TADA2A: variants seen among roughly 807,000 people sequenced by gnomAD.
The protein encoded by TADA2A is transcriptional adapter 2-alpha.
A neutral mutation model predicts 67.4 loss-of-function variants in TADA2A; 38 were observed. That is an observed-to-expected ratio of 0.56 (90% confidence interval 0.44 to 0.74). The LOEUF (loss-of-function observed/expected upper bound fraction) is 0.74. TADA2A is among the 30% of genes least tolerant of loss of function. TADA2A has a pLI of 0.00. For missense variants in TADA2A, 454 were observed against 547.0 expected, an observed-to-expected ratio of 0.83 and a Z score of 1.70; for synonymous variants, 192 against 181.6, an observed-to-expected ratio of 1.06 and a Z score of -0.46.
intron 12 of TADA2A, among the ~76,000 whole-genome samples, chr17:37,469,081 AT>A (rs1481645659): frequency 6.7e-6 from 1 of 148,644 alleles, no homozygotes; most frequent in Non-Finnish European, 1.5e-5. Flanking sequence ...TTTTTTTTGT[AT>A]TTTTAGTAGA....
intron 4 of TADA2A, among the ~76,000 whole-genome samples, chr17:37,433,750 C>T (rs1425784070): frequency 6.6e-6 from 1 of 151,898 alleles, no homozygotes; most frequent in East Asian, 1.9e-4. Context: ...GTCGGGAGTT[C>T]AAGACCAGCC....
intron 10 of TADA2A, among the ~76,000 whole-genome samples, chr17:37,463,795 T>TA (rs1031462836): frequency 3.3e-5 from 5 of 149,334 alleles, no homozygotes; most frequent in East Asian, 2.1e-4. Flanking sequence ...TACTAAAAAA[T>TA]AAAAAAAATT....
intron 8 of TADA2A, among the ~76,000 whole-genome samples, chr17:37,453,217 T>C (rs2053280820): frequency 6.6e-6 from 1 of 152,194 alleles, no homozygotes; most frequent in Admixed American, 6.5e-5. Context: ...TAAGGGCAGG[T>C]AGCAGTGAGA....
intron 8 of TADA2A, among the ~76,000 whole-genome samples, chr17:37,446,427 G>A (rs914586102): frequency 6.6e-6 from 1 of 151,620 alleles, no homozygotes; most frequent in African/African-American, 2.4e-5. Flanking sequence ...TGCACAAAAG[G>A]GGCAGCTTCA....
chr17:37,416,875 G>A (rs758818499), intron 2 of TADA2A, among the ~76,000 whole-genome samples: 8 of 147,342 alleles, frequency 5.4e-5, no homozygotes, highest in South Asian at 2.1e-4. Flanking sequence ...ACGAGAGTCC[G>A]CCTCAAAAAA....
chr17:37,443,365 T>C (rs1387449331), intron 7 of TADA2A, among the ~76,000 whole-genome samples: 1 of 152,004 alleles, frequency 6.6e-6, no homozygotes, highest in Non-Finnish European at 1.5e-5. Flanking sequence ...GCGATTCTCC[T>C]GTCTCAGCCT....
At chr17:37,413,918 C>G (rs952157037) in intron 2 of TADA2A, among the ~76,000 whole-genome samples, 1 of 152,060 alleles carries the variant, frequency 6.6e-6, no homozygotes, top group Admixed American at 6.6e-5. Context: ...GCATAGCACT[C>G]GAGAGGTAGT....
At chr17:37,446,500 A>G (rs1438693406) in intron 8 of TADA2A, among the ~76,000 whole-genome samples, 1 of 151,972 alleles carries the variant, frequency 6.6e-6, no homozygotes, top group East Asian at 1.9e-4. Flanking sequence ...ATGGTGGGTC[A>G]CACCTATAAT....
intron 3 of TADA2A, among the ~76,000 whole-genome samples, chr17:37,424,965 G>A (rs1018284907): frequency 7.9e-5 from 12 of 152,116 alleles, no homozygotes; most frequent in Non-Finnish European, 1.6e-4. Context: ...GGGTTCAAGG[G>A]ATTCTCCTGC....
At chr17:37,451,213 G>C (rs142295002) in intron 8 of TADA2A, among the ~76,000 whole-genome samples, 1 of 151,974 alleles carries the variant, frequency 6.6e-6, no homozygotes, top group African/African-American at 2.4e-5. Flanking sequence ...AAAAATTTTT[G>C]TAGAGACAGA....
chr17:37,446,087 GTTTTTTTTTGGGGGGGT>G (rs1481094584), intron 8 of TADA2A, among the ~76,000 whole-genome samples: 3 of 122,074 alleles, frequency 2.5e-5, no homozygotes, highest in African/African-American at 6.0e-5. Context: ...TGAGCGGTGG[GTTTTTTTTTGGGGGGGT>G]TTTTTTTTTT....
intron 3 of TADA2A, among the ~76,000 whole-genome samples, chr17:37,425,509 C>T (rs976689179): frequency 1.3e-5 from 2 of 152,158 alleles, no homozygotes; most frequent in African/African-American, 4.8e-5. Flanking sequence ...TTCAGGGTCA[C>T]ACAGCAAATA....
chr17:37,442,514 TCATGCCAA>T (rs1597894898), intron 6 of TADA2A, 42 bp from the exon 7 acceptor site: 4 of 1,408,184 alleles, frequency 2.8e-6, no homozygotes, highest in Admixed American at 3.8e-5. Context: ...GTCATTTTTT[TCATGCCAA>T]TATTGTATTA....
chr17:37,407,144 G>A (rs980106447), intron 1 of TADA2A, 195 bp downstream of exon 1: 1 of 149,644 alleles, frequency 6.7e-6, no homozygotes, highest in African/African-American at 2.4e-5. Context: ...CCGCTCTGTG[G>A]GGGAGGGCGG....
chr17:37,439,918 A>C (rs2052847556), intron 5 of TADA2A, among the ~76,000 whole-genome samples: 1 of 95,204 alleles, frequency 1.1e-5, no homozygotes. Context: ...TTATTTATTT[A>C]TTTATTTATT....
rs1016906319 is a variant in TADA2A at position 37,479,512 on chromosome 17, T to C, written c.*2530T>C. On this transcript the variant is annotated 3_prime_UTR_variant, in exon 16 of 16. Coordinates refer to ENST00000615182, the MANE Select transcript of TADA2A (RefSeq NM_001166105.3). ...GATACGTAGCATTGCATCCTTCCTC[T>C]TTGCTTCTAGACAGGGTTGGCCATA... is the stretch of plus-strand genomic sequence containing the variant. 2.0e-5 allele frequency: 3 copies of C among 152,204 alleles called. No individual in the cohort carries two copies. Among genetic ancestry groups the C allele is most frequent in the Non-Finnish European group, 2.9e-5 (2 of 68,036 alleles). 9.4% of individuals were successfully genotyped at this position (152,204 alleles called of 1,614,324 possible). A position where few individuals can be genotyped will look rare whatever the true frequency, so the allele number is the denominator to read the frequency against.
intron 11 of TADA2A, among the ~76,000 whole-genome samples, chr17:37,466,466 A>C (rs942888920): frequency 2.6e-5 from 4 of 152,186 alleles, no homozygotes; most frequent in East Asian, 1.9e-4. Flanking sequence ...TTGTTAAAAT[A>C]ATATGGACTC....
Position 37,457,671 on chromosome 17 carries a change from A to AT in TADA2A, c.605-848dup, listed in dbSNP as rs539533145. The stretch of plus-strand genomic sequence containing the variant: ...GCTATCATGCCCAGCTAATTTTTGT[A>AT]TTTTTATAGAGATGGGGTTTCACCG... On this transcript the variant is annotated intron_variant, in intron 8 of 15. Transcript: ENST00000615182. Among the ~76,000 whole-genome samples the AT allele has an allele frequency of 4.6e-4, 68 of 147,934 alleles. 1 individual carries two copies. The South Asian group carries it at 9.7e-3, about 21-fold the overall frequency.
rs1424582119 is a variant in TADA2A, at chr17:37,477,336, A to G, written c.*354A>G. 2 of 210,634 alleles carry G rather than the reference A, an allele frequency of 9.5e-6. No individual in the cohort carries two copies. The highest frequency in any genetic ancestry group is 2.1e-4 in the East Asian group (2 of 9,318). The allele number at this position is 210,634 out of a possible 1,614,324, so 13.0% of individuals were successfully genotyped here. A position where few individuals can be genotyped will look rare whatever the true frequency, so the allele number is the denominator to read the frequency against. On this transcript the variant is annotated 3_prime_UTR_variant, in exon 16 of 16. Coordinates refer to ENST00000615182, the MANE Select transcript of TADA2A (RefSeq NM_001166105.3). ...CTGTAATCCCAGGAGTCCAGCTCAG[A>G]TCCTTATATTGCGAGGTAAGTTTGC...
Sources: allele counts gnomAD v4.1 joint callset (sites outside exome capture counted in the v4.1 genomes callset), GRCh38; gene constraint gnomAD v4.1.1; transcripts MANE v1.5; gene names NCBI Gene and HGNC (gene_info 2026-07-23, HGNC 2026-07-21).